Variants in TMEM94 observed in about 807,000 individuals in gnomAD.
The protein encoded by TMEM94 is transmembrane protein 94.
In TMEM94, 81 loss-of-function variants were observed where a neutral mutation model predicts 158.6. The observed-to-expected ratio is 0.51, with a 90% CI of 0.43 to 0.61. The LOEUF (loss-of-function observed/expected upper bound fraction) is 0.61. Ranked by LOEUF, TMEM94 falls within the 20% of genes least tolerant of loss-of-function variation. TMEM94 has a pLI of 0.00. For missense variants in TMEM94, 1,435 were observed against 1,762.0 expected (o/e 0.81, Z 3.32); for synonymous variants, 751 against 730.7 (o/e 1.03, Z -0.45).
Position 75,498,363 on chromosome 17 carries a change from G to A in TMEM94, c.3638+40G>A, listed in dbSNP as rs577428826. 89 of 1,612,296 alleles carry A rather than the reference G, an allele frequency of 5.5e-5. No individual in the cohort carries two copies. The South Asian group carries it at 6.3e-4, about 11-fold the overall frequency. ...CAGAGATCCACCCATCGCCTGCCTCGCCTCGAGGCTTCCTCCCTCCCCACC... is the reference window on the plus strand; with the variant it reads ...CAGAGATCCACCCATCGCCTGCCTCACCTCGAGGCTTCCTCCCTCCCCACC... On this transcript the variant is annotated intron_variant, in intron 28 of 31. Transcript: ENST00000314256. This position sits in a 1 kb window ranked among gnomAD's most constrained non-coding sequence, Gnocchi z 6.7.
At chr17:75,497,059 C>A in intron 25 of TMEM94, 54 bp from the exon 26 acceptor site, 2 of 1,494,674 alleles carry the variant, frequency 1.3e-6, no homozygotes, top group Non-Finnish European at 1.9e-6. Context: ...GGCTCCTATG[C>A]CCTTATTATT....
Position 75,491,147 on chromosome 17 carries a change from T to A in TMEM94, c.1227T>A (p.Ser409=). Reference sequence around the variant, plus strand: ...CCAGCCTGCTGCACAGCCTGGGCTCTGTCACGGTGAGGGTGGGCCTTGCGG... The same window carrying A: ...CCAGCCTGCTGCACAGCCTGGGCTCAGTCACGGTGAGGGTGGGCCTTGCGG... ...HSSSLLHSLG[S]VTVLCCVDKQ... is the part of the protein sequence containing the mutation. Residue 409 remains serine, a synonymous_variant, in exon 12 of 32, where the codon TCT becomes TCA. Coordinates refer to ENST00000314256, the MANE Select transcript of TMEM94 (RefSeq NM_014738.6). This position sits in a 1 kb window ranked among gnomAD's most constrained non-coding sequence, Gnocchi z 5.1. 3 of 1,609,310 alleles carry A rather than the reference T, an allele frequency of 1.9e-6. No homozygotes were observed. The South Asian group carries it at 3.3e-5, about 18-fold the overall frequency.
Position 75,494,777 on chromosome 17 carries a change from A to G in TMEM94, c.2558A>G (p.Tyr853Cys), listed in dbSNP as rs767713265. The change falls in exon 19 of 32, where the codon TAC becomes TGC. Residue 853 changes from tyrosine to cysteine, a missense_variant. This residue lies in a region of TMEM94 where 1,051 missense variants were observed against 1,254.4 expected (regional missense o/e 0.84). Transcript: ENST00000314256. ...GTCAACGCCTGCATCCGCTTTGTCTACTTCTCTTTGGAGGATGAGCTCAAA... is the reference window on the plus strand; with the variant it reads ...GTCAACGCCTGCATCCGCTTTGTCTGCTTCTCTTTGGAGGATGAGCTCAAA... The part of the protein sequence containing the change: ...GLVNACIRFV[Y>C]FSLEDELKSK... The G allele has an allele frequency of 1.9e-6, 3 of 1,613,452 alleles. No homozygotes were observed. Among genetic ancestry groups the G allele is most frequent in the Non-Finnish European group, 2.5e-6 (3 of 1,180,032 alleles).
At position 75,492,747 on chromosome 17, in the gene TMEM94, G is replaced by A. The variant is rs756155964; in HGVS notation, c.1870G>A (p.Val624Ile). The A allele has an allele frequency of 1.3e-5, 21 of 1,609,216 alleles. No individual in the cohort carries two copies. Among genetic ancestry groups the A allele is most frequent in the Middle Eastern group, 1.7e-4 (1 of 6,060 alleles). Reference protein sequence around the residue: ...LQESHSAVLPVHVPWGLCELA... With the variant: ...LQESHSAVLPIHVPWGLCELA... ...AGAGAGCCACAGCGCCGTGCTGCCC[G>A]TCCATGTGCCCTGGGGCCTCTGCGA... The change falls in exon 15 of 32, where the codon GTC (valine) becomes ATC (isoleucine). Residue 624 changes from valine to isoleucine, a missense_variant. Physicochemically the swap from Val to Ile is conservative, Grantham distance 29 (BLOSUM62 3). Coordinates refer to ENST00000314256, the MANE Select transcript of TMEM94 (RefSeq NM_014738.6). This position sits in a 1 kb window ranked among gnomAD's most constrained non-coding sequence, Gnocchi z 4.4.
intron 1 of TMEM94, among the ~76,000 whole-genome samples, chr17:75,469,062 C>T (rs552407006): frequency 6.6e-6 from 1 of 152,214 alleles, no homozygotes; most frequent in East Asian, 1.9e-4. Flanking sequence ...CCTCATTTTC[C>T]AGGTAACCAG....
At chr17:75,461,845 C>T (rs565925871) in intron 1 of TMEM94, among the ~76,000 whole-genome samples, 1 of 148,902 alleles carries the variant, frequency 6.7e-6, no homozygotes, top group Non-Finnish European at 1.5e-5. Flanking sequence ...ACCCGGGAGG[C>T]GGAGCTTACA....
intron 1 of TMEM94, among the ~76,000 whole-genome samples, chr17:75,466,563 C>T (rs2146143138): frequency 6.6e-6 from 1 of 152,230 alleles, no homozygotes; most frequent in South Asian, 2.1e-4. Flanking sequence ...TGCCTGTAAT[C>T]CCAGCACTTT....
At chr17:75,467,039 A>G (rs1386822211) in intron 1 of TMEM94, among the ~76,000 whole-genome samples, 1 of 144,014 alleles carries the variant, frequency 6.9e-6, no homozygotes, top group East Asian at 2.1e-4. Flanking sequence ...CAATGATGTG[A>G]TCTCGGCTCA....
intron 1 of TMEM94, among the ~76,000 whole-genome samples, chr17:75,458,249 C>G (rs2049952939): frequency 6.6e-6 from 1 of 151,634 alleles, no homozygotes; most frequent in Non-Finnish European, 1.5e-5. Context: ...AGATTGAGAG[C>G]CATTGAAGAG....
rs536497827 is a variant in TMEM94 at position 75,491,091 on chromosome 17, G to A, written c.1171G>A (p.Gly391Arg). 2.4e-5 allele frequency: 38 copies of A among 1,612,960 alleles called. No individual in the cohort carries two copies. The highest frequency in any genetic ancestry group is 4.0e-5 in the African/African-American group (3 of 74,898). Residue 391 changes from glycine to arginine, a missense_variant, in exon 12 of 32, where the codon GGG becomes AGG. Physicochemically the swap from Gly to Arg is moderately radical, Grantham distance 125. Coordinates refer to ENST00000314256, the MANE Select transcript of TMEM94 (RefSeq NM_014738.6). This position sits in a 1 kb window ranked among gnomAD's most constrained non-coding sequence, Gnocchi z 5.1. ...TTGGGGCCACTTCCTGAGGGTGCTC[G>A]GGGGGACATCGCCAACGCTGAGCCA... ...CIWGHFLRVL[G>R]GTSPTLSHSS...
intron 1 of TMEM94, among the ~76,000 whole-genome samples, chr17:75,459,952 G>A (rs1159787800): frequency 6.6e-6 from 1 of 152,168 alleles, no homozygotes; most frequent in Non-Finnish European, 1.5e-5. Flanking sequence ...GCTGAAACAG[G>A]AATGCTTTTC....
In TMEM94 at chr17:75,486,407, G is replaced by T. The variant is rs1393804262; in HGVS notation, c.390G>T (p.Gly130=). The T allele has an allele frequency of 6.2e-7, 1 of 1,614,124 alleles. No homozygotes were observed. The highest frequency in any genetic ancestry group is 1.3e-5 in the African/African-American group (1 of 74,942). Residue 130 remains glycine, a synonymous_variant, in exon 5 of 32, where the codon GGG becomes GGT. Transcript: ENST00000314256. The stretch of plus-strand genomic sequence containing the variant: ...GGGAGGTAGAGCGGAGGCTGCGAGG[G>T]ATCATTGACCAAATCCAAGGTGAGG... ...KRREVERRLR[G]IIDQIQDALR...
At chr17:75,461,438 C>T (rs192321082) in intron 1 of TMEM94, among the ~76,000 whole-genome samples, 81 of 152,048 alleles carry the variant, frequency 5.3e-4, no homozygotes, top group Middle Eastern at 3.4e-3. Flanking sequence ...TGGATACATT[C>T]ACATGGTTTG....
rs543195018 is a variant in TMEM94 at position 75,495,432 on chromosome 17, G to A, written c.2844+33G>A. ...GGCAGGATCTGTCTCACGTGTTCCTGTAGTGGTCCCATAGCTGGTCCAGGG... is the reference window on the plus strand; with the variant it reads ...GGCAGGATCTGTCTCACGTGTTCCTATAGTGGTCCCATAGCTGGTCCAGGG... On this transcript the variant is annotated intron_variant, in intron 21 of 31. Transcript: ENST00000314256. This position sits in a 1 kb window ranked among gnomAD's most constrained non-coding sequence, Gnocchi z 5.6. 2 of 1,599,970 alleles carry A rather than the reference G, an allele frequency of 1.3e-6. No homozygotes were observed. Among genetic ancestry groups the A allele is most frequent in the East Asian group, 2.2e-5 (1 of 44,788 alleles).
chr17:75,484,309 TC>T (rs2051406306), intron 2 of TMEM94, among the ~76,000 whole-genome samples: 1 of 74,550 alleles, frequency 1.3e-5, no homozygotes, highest in African/African-American at 5.2e-5. Flanking sequence ...CCTCCCTCCC[TC>T]CCTCCCAACC....
Position 75,498,951 on chromosome 17 carries a change from G to T in TMEM94, c.3867G>T (p.Gln1289His). The change falls in exon 31 of 32, where the codon CAG becomes CAT. Residue 1289 changes from glutamine to histidine, a missense_variant. This residue lies in a region of TMEM94 where 335 missense variants were observed against 409.1 expected (regional missense o/e 0.82). Transcript: ENST00000314256. This position sits in a 1 kb window ranked among gnomAD's most constrained non-coding sequence, Gnocchi z 6.7. Reference protein sequence around the residue: ...GQVVQTAVDLQLWTHRDSHVH... With the variant: ...GQVVQTAVDLHLWTHRDSHVH... ...TGGTCCAGACGGCTGTGGACCTGCAGCTGTGGACACACAGGGACAGCCACG... is the reference window on the plus strand; with the variant it reads ...TGGTCCAGACGGCTGTGGACCTGCATCTGTGGACACACAGGGACAGCCACG... The T allele has an allele frequency of 6.3e-7, 1 of 1,581,332 alleles. No homozygotes were observed. Among genetic ancestry groups the T allele is most frequent in the Non-Finnish European group, 8.6e-7 (1 of 1,162,706 alleles).
In TMEM94 at chr17:75,488,269, TC is replaced by T. The variant is rs2051800040; in HGVS notation, c.612+137del. On this transcript the variant is annotated intron_variant, in intron 6 of 31. Transcript: ENST00000314256. ...TTTTGGCAGAGGCTCTGGAACATCT[TC>T]CTCCACCCTGCTGTTCTTTTTTTTG... is the stretch of plus-strand genomic sequence containing the variant. 4 of 758,298 alleles carry T rather than the reference TC, an allele frequency of 5.3e-6. 1 individual carries two copies. The highest frequency in any genetic ancestry group is 5.2e-5 in the African/African-American group (3 of 57,462). 47.0% of individuals were successfully genotyped at this position (758,298 alleles called of 1,614,324 possible).
intron 1 of TMEM94, among the ~76,000 whole-genome samples, chr17:75,462,011 G>GT (rs1156728166): frequency 0.059 from 5,503 of 92,606 alleles, 875 homozygotes; most frequent in African/African-American, 0.26. Context: ...GTTTTGTTTT[G>GT]TTTTTTTTTT....
In TMEM94 at chr17:75,492,515, CTT is replaced by C. The variant is rs775924700; in HGVS notation, c.1640_1641del (p.Phe547CysfsTer3). The C allele has an allele frequency of 7.4e-6, 12 of 1,611,610 alleles. No homozygotes were observed. Among genetic ancestry groups the C allele is most frequent in the Non-Finnish European group, 4.2e-6 (5 of 1,178,548 alleles). ...AGAGCGACCCCTACGAAGCAGAGGA[CTT>C]TGTGTGTGACTACCACCTGGAGATG... is the stretch of plus-strand genomic sequence containing the variant. ...MESDPYEAED[F>X]VCDYHLEMLS... On this transcript the variant is annotated frameshift_variant, in exon 15 of 32. Transcript: ENST00000314256. LOFTEE classifies it high-confidence loss of function. This position sits in a 1 kb window ranked among gnomAD's most constrained non-coding sequence, Gnocchi z 4.4.
Sources: gnomAD v4.1 joint callset for allele counts (sites outside exome capture counted in the v4.1 genomes callset) on GRCh38, gnomAD v4.1.1 for gene constraint, gnomAD v4.1.1 regional missense constraint, Gnocchi (gnomAD v3.1) non-coding constraint, MANE v1.5 for transcripts, NCBI Gene and HGNC (gene_info 2026-07-23, HGNC 2026-07-21) for gene names.